CCND3: variants seen among roughly 807,000 people sequenced by gnomAD.
CCND3 encodes cyclin D3, also known as G1/S-specific cyclin-D3.
CCND3 carries 9 observed loss-of-function variants against 28.7 expected under a neutral mutation model. The ratio of observed to expected loss-of-function variants is 0.31; its 90% CI spans 0.19 to 0.55. The LOEUF is 0.55. Ranked by LOEUF, CCND3 falls within the 20% of genes least tolerant of loss-of-function variation. The pLI is 0.93. For missense variants in CCND3, 315 were observed against 385.8 expected (o/e 0.82, Z 1.54); for synonymous variants, 164 against 163.9 (o/e 1.00, Z 0.00).
intron 1 of CCND3, among the ~76,000 whole-genome samples, chr6:42,047,156 G>A (rs1289297288): frequency 6.6e-6 from 1 of 152,202 alleles, no homozygotes; most frequent in Non-Finnish European, 1.5e-5. Flanking sequence ...GGAAGGAGAA[G>A]ATGTTTGGGA....
intron 1 of CCND3, among the ~76,000 whole-genome samples, chr6:42,027,623 T>TGG (rs1763917860): frequency 6.6e-6 from 1 of 151,816 alleles, no homozygotes; most frequent in African/African-American, 2.4e-5. Flanking sequence ...ATGGGGAAGG[T>TGG]GGTAAGGAGG....
intron 1 of CCND3, among the ~76,000 whole-genome samples, chr6:41,954,328 G>A (rs12529754): frequency 4.3e-5 from 6 of 140,728 alleles, no homozygotes; most frequent in African/African-American, 1.1e-4. Context: ...TGAGGCAGGC[G>A]AATCACGAGG....
At chr6:42,001,552 A>G (rs1178889664) in intron 1 of CCND3, among the ~76,000 whole-genome samples, 1 of 152,158 alleles carries the variant, frequency 6.6e-6, no homozygotes, top group Non-Finnish European at 1.5e-5. Context: ...AACAGGGGTA[A>G]ACTCTGGTGA....
At chr6:41,985,991 C>T (rs1312606062) in intron 1 of CCND3, among the ~76,000 whole-genome samples, 1 of 151,932 alleles carries the variant, frequency 6.6e-6, no homozygotes, top group African/African-American at 2.4e-5. Context: ...CATTCTTCTG[C>T]ATGTGGATAT....
intron 1 of CCND3, among the ~76,000 whole-genome samples, chr6:41,956,027 C>G (rs1776427306): frequency 6.6e-6 from 1 of 152,136 alleles, no homozygotes; most frequent in South Asian, 2.1e-4. Flanking sequence ...GGCGTGGTGG[C>G]TCACGCCTAT....
At chr6:41,951,648 G>A (rs114751952) in intron 1 of CCND3, among the ~76,000 whole-genome samples, 1,694 of 152,036 alleles carry the variant, frequency 0.011, 17 homozygotes, top group South Asian at 0.024. Flanking sequence ...GTTTAGGTGG[G>A]GGGTCAGGAG....
chr6:41,950,959 C>T (rs12206350), intron 1 of CCND3, among the ~76,000 whole-genome samples: 2 of 152,016 alleles, frequency 1.3e-5, no homozygotes, highest in Non-Finnish European at 2.9e-5. Flanking sequence ...CCGCCCGCCT[C>T]GGCCTCCCAA....
chr6:42,003,559 AAAAG>A (rs1267490330), intron 1 of CCND3, among the ~76,000 whole-genome samples: 1 of 121,096 alleles, frequency 8.3e-6, no homozygotes, highest in African/African-American at 3.0e-5. Flanking sequence ...AAAAAAAAAA[AAAAG>A]AACAGCAGAA....
At chr6:41,940,707 G>T in intron 1 of CCND3, 122 bp from the exon 2 acceptor site, 1 of 770,980 alleles carries the variant, frequency 1.3e-6, no homozygotes. Context: ...AAGCTACTTA[G>T]AGAGACAAGG....
intron 1 of CCND3, chr6:41,940,796 T>A: frequency 1.1e-6 from 1 of 892,502 alleles, no homozygotes. Flanking sequence ...CCTCTCCCCT[T>A]GACGGGGGAG....
intron 1 of CCND3, among the ~76,000 whole-genome samples, chr6:41,990,393 T>C (rs1052469974): frequency 6.6e-6 from 1 of 152,082 alleles, no homozygotes; most frequent in Non-Finnish European, 1.5e-5. Flanking sequence ...ACAGATTCAC[T>C]GTACTATCTA....
chr6:41,964,306 ATGTG>A (rs1298679995), intron 1 of CCND3, among the ~76,000 whole-genome samples: 1 of 149,768 alleles, frequency 6.7e-6, no homozygotes, highest in African/African-American at 2.5e-5. Context: ...GTATGTGTGA[ATGTG>A]TGTGAGTCTG....
intron 1 of CCND3, among the ~76,000 whole-genome samples, chr6:41,985,105 T>C (rs1762449788): frequency 6.6e-6 from 1 of 152,180 alleles, no homozygotes; most frequent in Non-Finnish European, 1.5e-5. Context: ...GTAGGTTGTC[T>C]CTTCACTCTG....
chr6:42,009,292 A>C (rs965327654), intron 1 of CCND3, among the ~76,000 whole-genome samples: 2 of 152,170 alleles, frequency 1.3e-5, no homozygotes, highest in African/African-American at 2.4e-5. Context: ...CCTGGGCAAC[A>C]TGGTGAAACC....
intron 1 of CCND3, among the ~76,000 whole-genome samples, chr6:41,954,032 C>T (rs1474922671): frequency 6.6e-6 from 1 of 151,698 alleles, no homozygotes; most frequent in African/African-American, 2.4e-5. Context: ...TGGTGGATCA[C>T]TTGAGGCCAG....
At chr6:42,036,399 ATATATTTT>A (rs1436004946) in intron 1 of CCND3, among the ~76,000 whole-genome samples, 1 of 43,824 alleles carries the variant, frequency 2.3e-5, no homozygotes, top group Admixed American at 3.3e-4. Flanking sequence ...ATATATATAT[ATATATTTT>A]TTTTTTTTTT....
At chr6:41,995,064 T>TC (rs1762762110) in intron 1 of CCND3, among the ~76,000 whole-genome samples, 1 of 151,924 alleles carries the variant, frequency 6.6e-6, no homozygotes, top group African/African-American at 2.4e-5. Flanking sequence ...AGAGTGAGAC[T>TC]CCGTCTCAAA....
At chr6:41,969,890 T>G (rs907251437) in intron 1 of CCND3, among the ~76,000 whole-genome samples, 1 of 152,084 alleles carries the variant, frequency 6.6e-6, no homozygotes, top group Non-Finnish European at 1.5e-5. Context: ...TTAATCTCCC[T>G]GAACCTCAGT....
intron 1 of CCND3, among the ~76,000 whole-genome samples, chr6:42,022,195 C>T (rs931173962): frequency 1.3e-5 from 2 of 152,184 alleles, no homozygotes; most frequent in African/African-American, 2.4e-5. Context: ...TGCCAGGAAA[C>T]AGTTCCAAGG....
Sources: allele counts gnomAD v4.1 joint callset (sites outside exome capture counted in the v4.1 genomes callset), GRCh38; gene constraint gnomAD v4.1.1; transcripts MANE v1.5; gene names NCBI Gene and HGNC (gene_info 2026-07-23, HGNC 2026-07-21).